The following WASHC4 variants were observed in gnomAD, a reference collection of about 807,000 sequenced individuals.
WASHC4 encodes the protein WASH complex subunit 7.
In WASHC4, 86 loss-of-function variants were observed where a neutral mutation model predicts 166.6. The ratio of observed to expected loss-of-function variants is 0.52; its 90% CI spans 0.43 to 0.62. The LOEUF is 0.62. Ranked by LOEUF, WASHC4 falls within the 20% of genes least tolerant of loss-of-function variation. WASHC4 has a pLI of 0.00. For missense variants in WASHC4, 1,262 were observed against 1,382.4 expected (o/e 0.91, Z 1.38); for synonymous variants, 446 against 451.6 (o/e 0.99, Z 0.16).
At position 105,144,381 on chromosome 12, in the gene WASHC4, T is replaced by C. The variant is rs758432291; in HGVS notation, c.2105T>C (p.Val702Ala). The stretch of plus-strand genomic sequence containing the variant: ...CTGGATGACCGAAACCCTTTCAAAG[T>C]TGGCATGAAAGACCTGGCTCTTTTT... Reference protein sequence around the residue: ...LKLDDRNPFKVGMKDLALFFS... With the variant: ...LKLDDRNPFKAGMKDLALFFS... Residue 702 changes from valine to alanine, a missense_variant, in exon 21 of 33, where the codon GTT becomes GCT. By Grantham distance (64) the Val-to-Ala change is moderately conservative. Coordinates refer to ENST00000332180, the MANE Select transcript of WASHC4 (RefSeq NM_015275.3). 6.2e-7 allele frequency: 1 copy of C among 1,613,512 alleles called. No individual in the cohort carries two copies. Among genetic ancestry groups the C allele is most frequent in the South Asian group, 1.1e-5 (1 of 91,056 alleles).
intron 32 of WASHC4, among the ~76,000 whole-genome samples, chr12:105,166,162 T>C (rs905648785): frequency 3.3e-5 from 5 of 152,130 alleles, no homozygotes; most frequent in African/African-American, 1.2e-4. Context: ...CTCTCCAGAG[T>C]TGCAGTTGTT....
intron 10 of WASHC4, among the ~76,000 whole-genome samples, chr12:105,124,387 C>T (rs73395758): frequency 0.016 from 2,449 of 151,894 alleles, 44 homozygotes; most frequent in African/African-American, 0.042. Context: ...TGGTGTCACT[C>T]ATGTTTTTGT....
Sources: allele counts gnomAD v4.1 joint callset (sites outside exome capture counted in the v4.1 genomes callset), GRCh38; gene constraint gnomAD v4.1.1; transcripts MANE v1.5; gene names NCBI Gene and HGNC (gene_info 2026-07-23, HGNC 2026-07-21).